The following SLX4IP variants were observed in gnomAD, a reference collection of about 807,000 sequenced individuals.
SLX4IP encodes protein SLX4IP.
A neutral mutation model predicts 32.9 loss-of-function variants in SLX4IP; 34 were observed. The ratio of observed to expected loss-of-function variants is 1.03; its 90% CI spans 0.79 to 1.38. The LOEUF is 1.38. Among genes scored for constraint, SLX4IP ranks in the 40% most tolerant of loss-of-function variants. SLX4IP has a pLI of 0.00. For synonymous variants in SLX4IP, 172 were observed against 171.7 expected (o/e 1.00, Z -0.01); for missense variants, 444 against 479.0 (o/e 0.93, Z 0.68).
chr20:10,575,860 G>A (rs555260882), intron 4 of SLX4IP, among the ~76,000 whole-genome samples: 15 of 152,084 alleles, frequency 9.9e-5, no homozygotes, highest in Non-Finnish European at 2.1e-4. Flanking sequence ...TAAGGAAGCT[G>A]GAAGGAGAAA....
chr20:10,437,243 G>C (rs1860115914), intron 1 of SLX4IP, among the ~76,000 whole-genome samples: 1 of 152,040 alleles, frequency 6.6e-6, no homozygotes, highest in South Asian at 2.1e-4. Flanking sequence ...CTTCTGCCTT[G>C]GTCTGTCAAA....
chr20:10,522,087 C>T (rs2065904993), intron 2 of SLX4IP, among the ~76,000 whole-genome samples: 1 of 152,158 alleles, frequency 6.6e-6, no homozygotes, highest in Non-Finnish European at 1.5e-5. Flanking sequence ...CCCTTTCACC[C>T]CCCTTCAAGA....
chr20:10,501,673 G>A (rs1439915484), intron 2 of SLX4IP, among the ~76,000 whole-genome samples: 4 of 152,244 alleles, frequency 2.6e-5, no homozygotes, highest in Non-Finnish European at 5.9e-5. Flanking sequence ...CAAAGAGATG[G>A]CAGTCATGCC....
intron 2 of SLX4IP, among the ~76,000 whole-genome samples, chr20:10,528,776 T>G (rs1330411782): frequency 6.6e-6 from 1 of 152,178 alleles, no homozygotes; most frequent in Non-Finnish European, 1.5e-5. Flanking sequence ...CTGGCCAGTG[T>G]TTGCCCCACT....
intron 2 of SLX4IP, among the ~76,000 whole-genome samples, chr20:10,468,484 C>G (rs2065398754): frequency 6.6e-6 from 1 of 152,194 alleles, no homozygotes; most frequent in African/African-American, 2.4e-5. Flanking sequence ...GATAATTACT[C>G]TCCCCTTCCT....
At chr20:10,510,974 A>G (rs2065802708) in intron 2 of SLX4IP, among the ~76,000 whole-genome samples, 1 of 152,180 alleles carries the variant, frequency 6.6e-6, no homozygotes, top group Non-Finnish European at 1.5e-5. Flanking sequence ...GTACCTTTGA[A>G]GGACCCTGCC....
chr20:10,463,987 A>G (rs1413009461), intron 2 of SLX4IP, among the ~76,000 whole-genome samples: 1 of 152,314 alleles, frequency 6.6e-6, no homozygotes, highest in African/African-American at 2.4e-5. Context: ...GAGGGCAGGT[A>G]TAAGGATTAA....
intron 4 of SLX4IP, among the ~76,000 whole-genome samples, chr20:10,571,958 G>A (rs1337501253): frequency 6.6e-6 from 1 of 152,074 alleles, no homozygotes; most frequent in Non-Finnish European, 1.5e-5. Flanking sequence ...TGACTCCAGG[G>A]ACAGGAAATA....
chr20:10,610,389 C>T (rs1464866244), intron 6 of SLX4IP, among the ~76,000 whole-genome samples: 4 of 152,190 alleles, frequency 2.6e-5, no homozygotes, highest in Non-Finnish European at 5.9e-5. Flanking sequence ...TTATCAGCAG[C>T]CCTGGCTCAC....
chr20:10,510,196 T>C (rs1007829706), intron 2 of SLX4IP, among the ~76,000 whole-genome samples: 1 of 152,234 alleles, frequency 6.6e-6, no homozygotes, highest in African/African-American at 2.4e-5. Context: ...GGTCAAAGCA[T>C]TTACTAGTCA....
chr20:10,474,766 C>T (rs576900975), intron 2 of SLX4IP, among the ~76,000 whole-genome samples: 35 of 152,312 alleles, frequency 2.3e-4, no homozygotes, highest in African/African-American at 7.5e-4. Flanking sequence ...TCCATCTAAT[C>T]GGGGCTGCTG....
intron 4 of SLX4IP, among the ~76,000 whole-genome samples, chr20:10,586,271 A>T (rs986268793): frequency 1.3e-5 from 2 of 152,212 alleles, no homozygotes; most frequent in Admixed American, 1.3e-4. Context: ...GCAACACTCA[A>T]ATCCACAAGA....
At chr20:10,530,158 GCTGC>G (rs1286751791) in intron 2 of SLX4IP, among the ~76,000 whole-genome samples, 5 of 152,216 alleles carry the variant, frequency 3.3e-5, no homozygotes, top group Admixed American at 6.5e-5. Context: ...GCTTGCCTGT[GCTGC>G]CTGCCCCAGA....
chr20:10,518,480 T>TCCC (rs2065875020), intron 2 of SLX4IP, among the ~76,000 whole-genome samples: 5 of 46,082 alleles, frequency 1.1e-4, no homozygotes, highest in South Asian at 1.5e-3. Context: ...TTCTTTTCCT[T>TCCC]TCCTTTCCTT....
chr20:10,519,087 A>G (rs1391023625), intron 2 of SLX4IP, among the ~76,000 whole-genome samples: 2 of 152,224 alleles, frequency 1.3e-5, no homozygotes, highest in African/African-American at 2.4e-5. Context: ...ACCCATGTAA[A>G]TGTACAGTTG....
chr20:10,437,545 A>T (rs774621839), intron 1 of SLX4IP, among the ~76,000 whole-genome samples: 3 of 152,226 alleles, frequency 2.0e-5, no homozygotes, highest in Non-Finnish European at 4.4e-5. Context: ...CCATGAAAAG[A>T]TCTGGATTAA....
intron 4 of SLX4IP, among the ~76,000 whole-genome samples, chr20:10,566,720 C>T (rs2066399188): frequency 6.6e-6 from 1 of 152,134 alleles, no homozygotes; most frequent in Non-Finnish European, 1.5e-5. Flanking sequence ...TGCAGTTGAG[C>T]TGTGCTTGAT....
chr20:10,502,145 A>G (rs192526899), intron 2 of SLX4IP, among the ~76,000 whole-genome samples: 1 of 152,342 alleles, frequency 6.6e-6, no homozygotes, highest in East Asian at 1.9e-4. Flanking sequence ...CCTCAGTGCT[A>G]GTAAAGGTGA....
intron 4 of SLX4IP, among the ~76,000 whole-genome samples, chr20:10,580,792 T>C (rs1187354449): frequency 6.6e-6 from 1 of 152,154 alleles, no homozygotes; most frequent in Admixed American, 6.5e-5. Context: ...TACTGGCTCC[T>C]GGAACTCCTC....
Sources: allele counts gnomAD v4.1 joint callset (sites outside exome capture counted in the v4.1 genomes callset), GRCh38; gene constraint gnomAD v4.1.1; transcripts MANE v1.5; gene names NCBI Gene and HGNC (gene_info 2026-07-23, HGNC 2026-07-21).